The following DPEP1 variants were observed in gnomAD, a reference collection of about 807,000 sequenced individuals.
The protein encoded by DPEP1 is dipeptidase 1, also known as beta-lactamase.
Under a neutral mutation model 42.3 loss-of-function variants are expected in DPEP1, and 50 were observed. The observed-to-expected ratio is 1.18, with a 90% CI of 0.94 to 1.50. The LOEUF (loss-of-function observed/expected upper bound fraction) is 1.50, where lower values mean the gene tolerates loss of function less well. DPEP1 is among the 40% of genes most tolerant of loss of function. The probability of loss-of-function intolerance (pLI) is 0.00; values close to 1 mark genes in which losing one functional copy is unlikely to be tolerated. For missense variants in DPEP1, 663 were observed against 553.0 expected, an observed-to-expected ratio of 1.20 and a Z score of -1.99; for synonymous variants, 297 against 234.0, an observed-to-expected ratio of 1.27 and a Z score of -2.46.
chr16:89,622,924 G>A (rs991305754), intron 1 of DPEP1, among the ~76,000 whole-genome samples: 20 of 152,232 alleles, frequency 1.3e-4, no homozygotes, highest in African/African-American at 4.6e-4. Context: ...GAACGTTCCA[G>A]GGTGTTCCAG....
At chr16:89,636,177 C>T (rs192895680) in intron 3 of DPEP1, 87 bp from the exon 4 acceptor site, 88 of 1,553,068 alleles carry the variant, frequency 5.7e-5, no homozygotes, top group African/African-American at 5.1e-4. Context: ...GGCTTCCCAG[C>T]GGGTGGGAAA....
rs1356695677 is a variant in DPEP1, at chr16:89,632,736, C to T, written c.104+2222C>T. 2.6e-5 allele frequency among the ~76,000 whole-genome samples: 4 copies of T among 152,272 alleles called. No homozygotes were observed. In the East Asian group the frequency reaches 5.8e-4, roughly 22 times the overall value. ...CCTCCCACTGAGAAACCAGAGGCCC[C>T]ACCTTCCCATCGTTTTCTCCAGCAA... is the stretch of plus-strand genomic sequence containing the variant. On this transcript the variant is annotated intron_variant, in intron 2 of 10. Transcript: ENST00000690203.
At chr16:89,641,006 C>A (rs756934235), downstream of DPEP1, among the ~76,000 whole-genome samples, 1 of 152,324 alleles carries the variant, frequency 6.6e-6, no homozygotes, top group East Asian at 1.9e-4. Context: ...ACAGGGGGCC[C>A]TTCCCTGTTT....
At chr16:89,631,812 G>C (rs1468470105) in intron 2 of DPEP1, among the ~76,000 whole-genome samples, 1 of 151,998 alleles carries the variant, frequency 6.6e-6, no homozygotes, top group Non-Finnish European at 1.5e-5. Flanking sequence ...ACCCAATATC[G>C]GGCCACTGTA....
chr16:89,617,634 G>T lies in DPEP1; in HGVS notation c.-107+3915G>T, dbSNP rs112219254. Among the ~76,000 whole-genome samples, 148 of 119,780 alleles carry T rather than the reference G, an allele frequency of 1.2e-3. 1 individual carries two copies. Among genetic ancestry groups the T allele is most frequent in the South Asian group, 4.4e-3 (14 of 3,198 alleles). The allele number at this position is 119,780 out of a possible 152,430, so 78.6% of individuals were successfully genotyped here. A position where few individuals can be genotyped will look rare whatever the true frequency, so the allele number is the denominator to read the frequency against. ...AGGCCGGGCGCGGCGGCTCACACCT[G>T]TAATCCCAGCACTTTGGGAGGCCGG... On this transcript the variant is annotated intron_variant, in intron 1 of 10. Coordinates refer to ENST00000690203, the MANE Select transcript of DPEP1 (RefSeq NM_001389466.1).
chr16:89,641,537 C>T (rs1009951256), downstream of DPEP1, among the ~76,000 whole-genome samples: 1 of 152,180 alleles, frequency 6.6e-6, no homozygotes, highest in African/African-American at 2.4e-5. Context: ...ATGCCACAAA[C>T]TGATGATTAG....
At chr16:89,639,712 A>G (rs1345057051), downstream of DPEP1, among the ~76,000 whole-genome samples, 1 of 151,574 alleles carries the variant, frequency 6.6e-6, no homozygotes, top group East Asian at 2.0e-4. Flanking sequence ...TTGAGATGGA[A>G]TCTCGCTCCG....
chr16:89,636,626 C>T lies in DPEP1; in HGVS notation c.464C>T (p.Ala155Val), dbSNP rs78315344. 4 of 1,612,632 alleles carry T rather than the reference C, an allele frequency of 2.5e-6. No individual in the cohort carries two copies. Among genetic ancestry groups the T allele is most frequent in the East Asian group, 4.5e-5 (2 of 44,872 alleles). The change falls in exon 5 of 11, where the codon GCA becomes GTA. Residue 155 changes from alanine (A) to valine (V), a missense_variant. By Grantham distance (64) the Ala-to-Val change is moderately conservative. Coordinates refer to ENST00000690203, the MANE Select transcript of DPEP1 (RefSeq NM_001389466.1). ...GACAGCAGTTTGGGCGTCCTGCGGG[C>T]ACTCTATCAGCTGGGCATGCGGTAC... ...SIDSSLGVLR[A>V]LYQLGMRYLT...
At chr16:89,621,951 C>A (rs1245524245) in intron 1 of DPEP1, among the ~76,000 whole-genome samples, 1 of 152,164 alleles carries the variant, frequency 6.6e-6, no homozygotes. Flanking sequence ...GTGGCGTCTG[C>A]ATGTTGGCTG....
downstream of DPEP1, among the ~76,000 whole-genome samples, chr16:89,641,033 A>G (rs539905934): frequency 6.6e-6 from 1 of 152,244 alleles, no homozygotes; most frequent in East Asian, 1.9e-4. Flanking sequence ...CGAGGCGGAG[A>G]GAGAGAGAGG....
chr16:89,625,038 G>T (rs1482706419), intron 1 of DPEP1, among the ~76,000 whole-genome samples: 3 of 152,152 alleles, frequency 2.0e-5, no homozygotes, highest in Non-Finnish European at 4.4e-5. Context: ...CTTTGCTACT[G>T]GGCGTGGGGC....
At chr16:89,638,453 G>T (rs748206191), downstream of DPEP1, 1 of 1,312,096 alleles carries the variant, frequency 7.6e-7, no homozygotes, top group Non-Finnish European at 9.7e-7. Context: ...ACGTGTCATC[G>T]GCATCCGGCT....
rs758130177 is a variant in DPEP1, at chr16:89,636,037, C to G, written c.234C>G (p.Gly78=). Reference sequence around the variant, plus strand: ...AGCTGAGGGCCGGCTTTGTGGGAGGCCAGGTACCGCCTGCCCTGCCTTGTG... The same window carrying G: ...AGCTGAGGGCCGGCTTTGTGGGAGGGCAGGTACCGCCTGCCCTGCCTTGTG... ...IPKLRAGFVG[G]QFWSVYTPCD... is the part of the protein sequence containing the mutation. Residue 78 remains glycine, a synonymous_variant, in exon 3 of 11, where the codon GGC becomes GGG. Coordinates refer to ENST00000690203, the MANE Select transcript of DPEP1 (RefSeq NM_001389466.1). 1 of 1,606,126 alleles carries G rather than the reference C, an allele frequency of 6.2e-7. No homozygotes were observed. Among genetic ancestry groups the G allele is most frequent in the Non-Finnish European group, 8.5e-7 (1 of 1,176,614 alleles).
At chr16:89,634,091 C>CTTTTTTTTTTTTTTTTTTTTT (rs3039849) in intron 2 of DPEP1, among the ~76,000 whole-genome samples, 1 of 123,688 alleles carries the variant, frequency 8.1e-6, no homozygotes, top group Non-Finnish European at 1.6e-5. Flanking sequence ...TTCTCTTCTT[C>CTTTTTTTTTTTTTTTTTTTTT]TTTTTTTTTT....
intron 1 of DPEP1, among the ~76,000 whole-genome samples, chr16:89,618,950 TC>T (rs1362681878): frequency 7.1e-4 from 8 of 11,316 alleles, no homozygotes; most frequent in South Asian, 3.5e-3. Flanking sequence ...GCCCCCCTGC[TC>T]CCCTCCCTGC....
chr16:89,627,906 C>A (rs1467504964), intron 1 of DPEP1, among the ~76,000 whole-genome samples: 1 of 151,366 alleles, frequency 6.6e-6, no homozygotes, highest in East Asian at 2.0e-4. Flanking sequence ...GATCCTCCTG[C>A]CTTGGCCTCC....
intron 2 of DPEP1, among the ~76,000 whole-genome samples, chr16:89,633,426 G>A (rs1367668941): frequency 6.6e-6 from 1 of 152,246 alleles, no homozygotes; most frequent in Non-Finnish European, 1.5e-5. Flanking sequence ...CCCAGGGGAG[G>A]TCAGGAACGA....
chr16:89,629,605 G>A (rs1216600986), intron 1 of DPEP1, among the ~76,000 whole-genome samples: 4 of 146,288 alleles, frequency 2.7e-5, no homozygotes, highest in African/African-American at 1.0e-4. Context: ...CAGAACCCCA[G>A]ACACCACCCA....
intron 1 of DPEP1, among the ~76,000 whole-genome samples, chr16:89,626,664 T>G (rs1292100407): frequency 6.6e-6 from 1 of 151,920 alleles, no homozygotes; most frequent in African/African-American, 2.4e-5. Context: ...TAAGATCTGG[T>G]TTTTAAAAGT....
Sources: gnomAD v4.1 joint callset for allele counts (sites outside exome capture counted in the v4.1 genomes callset) on GRCh38, gnomAD v4.1.1 for gene constraint, MANE v1.5 for transcripts, NCBI Gene and HGNC (gene_info 2026-07-23, HGNC 2026-07-21) for gene names.